The following VMP1 variants were observed in gnomAD, a reference collection of about 807,000 sequenced individuals.
The protein encoded by VMP1 is ectopic P-granules autophagy protein 3 homolog.
In VMP1, 11 loss-of-function variants were observed where a neutral mutation model predicts 56.0. That is an observed-to-expected ratio of 0.20 (90% CI 0.12 to 0.32). VMP1 has a LOEUF of 0.32. Ranked by LOEUF, VMP1 falls within the 10% of genes least tolerant of loss-of-function variation. VMP1 has a pLI of 1.00. For synonymous variants in VMP1, 149 were observed against 165.0 expected, an observed-to-expected ratio of 0.90 and a Z score of 0.74; for missense variants, 296 against 490.3, an observed-to-expected ratio of 0.60 and a Z score of 3.74.
At chr17:59,724,216 A>G (rs577605084) in intron 1 of VMP1, among the ~76,000 whole-genome samples, 49 of 151,082 alleles carry the variant, frequency 3.2e-4, no homozygotes, top group Admixed American at 3.2e-3. Context: ...TGTCTCAAAA[A>G]AAAAAAAAAA....
At chr17:59,798,047 C>A (rs188908078) in intron 7 of VMP1, among the ~76,000 whole-genome samples, 34 of 152,262 alleles carry the variant, frequency 2.2e-4, no homozygotes, top group Non-Finnish European at 1.8e-4. Context: ...GTATCTGGAT[C>A]TCAGTAGTGG....
At chr17:59,767,731 T>A (rs2036282197) in intron 6 of VMP1, among the ~76,000 whole-genome samples, 1 of 152,164 alleles carries the variant, frequency 6.6e-6, no homozygotes, top group African/African-American at 2.4e-5. Context: ...AATTAGTTAA[T>A]TTGGCTGGTA....
chr17:59,734,331 G>A (rs1282829806), intron 2 of VMP1, among the ~76,000 whole-genome samples: 1 of 152,148 alleles, frequency 6.6e-6, no homozygotes, highest in African/African-American at 2.4e-5. Context: ...TAGTAATGGG[G>A]TAACATATAC....
chr17:59,808,976 G>C, intron 8 of VMP1, 100 bp downstream of exon 8: 3 of 943,440 alleles, frequency 3.2e-6, no homozygotes. Context: ...CACTTTTATT[G>C]GGTATGTAAT....
At chr17:59,822,782 AGAG>A (rs1455399593) in intron 10 of VMP1, among the ~76,000 whole-genome samples, 1 of 152,204 alleles carries the variant, frequency 6.6e-6, no homozygotes, top group Non-Finnish European at 1.5e-5. Flanking sequence ...ATTTCAGAAA[AGAG>A]GAGGTGAACA....
intron 7 of VMP1, among the ~76,000 whole-genome samples, chr17:59,804,821 G>A (rs1043275613): frequency 6.6e-6 from 1 of 151,422 alleles, no homozygotes; most frequent in Non-Finnish European, 1.5e-5. Flanking sequence ...TTATGCTAAT[G>A]TTTATTTTCT....
At chr17:59,781,345 C>T (rs17581463) in intron 7 of VMP1, among the ~76,000 whole-genome samples, 6,039 of 152,270 alleles carry the variant, frequency 0.04, 153 homozygotes, top group Non-Finnish European at 0.062. Flanking sequence ...AGCTCACACA[C>T]CTTCTCCCCA....
At chr17:59,770,191 A>C (rs1410475533) in intron 6 of VMP1, among the ~76,000 whole-genome samples, 2 of 152,214 alleles carry the variant, frequency 1.3e-5, no homozygotes, top group Non-Finnish European at 2.9e-5. Context: ...ATTTGTCATG[A>C]GCTTCAATCA....
intron 5 of VMP1, among the ~76,000 whole-genome samples, chr17:59,741,263 A>G (rs555310229): frequency 3.7e-4 from 56 of 152,346 alleles, no homozygotes; most frequent in African/African-American, 1.2e-3. Context: ...CAATTTATGA[A>G]TATATAATCC....
At chr17:59,710,508 G>A (rs2033874986) in intron 1 of VMP1, among the ~76,000 whole-genome samples, 1 of 152,154 alleles carries the variant, frequency 6.6e-6, no homozygotes, top group Non-Finnish European at 1.5e-5. Flanking sequence ...ACATACACAC[G>A]TAAATACACA....
At chr17:59,820,162 TC>T (rs1395543138) in intron 10 of VMP1, among the ~76,000 whole-genome samples, 3 of 152,180 alleles carry the variant, frequency 2.0e-5, no homozygotes, top group Non-Finnish European at 4.4e-5. Flanking sequence ...AAGCCAAAAC[TC>T]CTTACCAGGG....
intron 7 of VMP1, among the ~76,000 whole-genome samples, chr17:59,774,091 A>G (rs1051311580): frequency 3.9e-5 from 6 of 152,188 alleles, no homozygotes; most frequent in African/African-American, 1.4e-4. Flanking sequence ...ATGCAATAAG[A>G]CAACTCTTAA....
At chr17:59,782,567 AGTT>A in intron 7 of VMP1, among the ~76,000 whole-genome samples, 1 of 152,326 alleles carries the variant, frequency 6.6e-6, no homozygotes, top group East Asian at 1.9e-4. Context: ...AAAGATTCAA[AGTT>A]TATCTGACTT....
intron 1 of VMP1, 134 bp from the exon 2 acceptor site, chr17:59,731,287 A>G (rs2034813385): frequency 6.7e-6 from 3 of 448,838 alleles, no homozygotes; most frequent in Non-Finnish European, 1.2e-5. Flanking sequence ...GTTATAAAAG[A>G]AAAAAAGTGT....
At chr17:59,833,359 T>TG (rs2038878332) in intron 10 of VMP1, among the ~76,000 whole-genome samples, 1 of 152,084 alleles carries the variant, frequency 6.6e-6, no homozygotes, top group Non-Finnish European at 1.5e-5. Context: ...CCTAAGTCAT[T>TG]GTAGAGGTAG....
At chr17:59,787,890 C>A (rs1031066460) in intron 7 of VMP1, among the ~76,000 whole-genome samples, 6 of 152,002 alleles carry the variant, frequency 3.9e-5, no homozygotes, top group African/African-American at 1.2e-4. Flanking sequence ...CTAAAAATTT[C>A]TTTTATTCGG....
chr17:59,743,743 T>C (rs1201676706), intron 5 of VMP1, among the ~76,000 whole-genome samples: 1 of 152,056 alleles, frequency 6.6e-6, no homozygotes, highest in African/African-American at 2.4e-5. Context: ...GGTTGTTTAC[T>C]AACCTTATAT....
intron 5 of VMP1, among the ~76,000 whole-genome samples, chr17:59,763,994 C>T (rs2036147569): frequency 6.6e-6 from 1 of 152,084 alleles, no homozygotes; most frequent in South Asian, 2.1e-4. Context: ...ATATTTTAAC[C>T]AACTCCCTAG....
At chr17:59,786,009 GA>G (rs559965001) in intron 7 of VMP1, among the ~76,000 whole-genome samples, 13 of 151,996 alleles carry the variant, frequency 8.6e-5, no homozygotes, top group African/African-American at 3.1e-4. Context: ...ATTTAAGGCT[GA>G]AAAAAATCTT....
Sources: gnomAD v4.1 joint callset for allele counts (sites outside exome capture counted in the v4.1 genomes callset) on GRCh38, gnomAD v4.1.1 for gene constraint, MANE v1.5 for transcripts, NCBI Gene and HGNC (gene_info 2026-07-23, HGNC 2026-07-21) for gene names.